The following NBAS variants were observed in gnomAD, a reference collection of about 807,000 sequenced individuals.
NBAS encodes the protein NAG/BC035112 fusion.
Under a neutral mutation model 302.5 loss-of-function variants are expected in NBAS, and 219 were observed. That is an observed-to-expected ratio of 0.72 (90% CI 0.65 to 0.81). The LOEUF (loss-of-function observed/expected upper bound fraction) is 0.81, where lower values mean the gene tolerates loss of function less well. NBAS is among the 30% of genes least tolerant of loss of function. The probability of loss-of-function intolerance (pLI) is 0.00; values close to 1 mark genes in which losing one functional copy is unlikely to be tolerated. For synonymous variants in NBAS, 1,118 were observed against 1,021.6 expected (o/e 1.09, Z -1.80); for missense variants, 2,932 against 2,841.6 (o/e 1.03, Z -0.72).
At chr2:14,789,607 C>A in the NBAS span, among the ~76,000 whole-genome samples, 7 of 152,300 alleles carry the variant, frequency 4.6e-5, no homozygotes, top group Admixed American at 6.5e-5. Flanking sequence ...ACCTTGCAAT[C>A]ATTCATACTT....
chr2:15,501,584 A>T (rs75168167), intron 11 of NBAS, among the ~76,000 whole-genome samples: 1,639 of 107,746 alleles, frequency 0.015, 135 homozygotes, highest in African/African-American at 0.047. Context: ...TGAACTAAAT[A>T]TTTTTTTTTT....
intron 44 of NBAS, among the ~76,000 whole-genome samples, chr2:15,267,803 A>C (rs1669144997): frequency 6.6e-6 from 1 of 152,216 alleles, no homozygotes; most frequent in Admixed American, 6.5e-5. Flanking sequence ...TGAATAAAGT[A>C]AAATTAACTT....
At chr2:15,002,653 C>T in the NBAS span, among the ~76,000 whole-genome samples, 24 of 152,348 alleles carry the variant, frequency 1.6e-4, no homozygotes, top group Non-Finnish European at 2.5e-4. Context: ...TCAGGCATGG[C>T]GGGCTGCAGG....
the NBAS span, among the ~76,000 whole-genome samples, chr2:15,136,380 G>C: frequency 6.6e-6 from 1 of 152,200 alleles, no homozygotes; most frequent in Non-Finnish European, 1.5e-5. Flanking sequence ...TATGCTGTGG[G>C]CCACACGGTC....
the NBAS span, among the ~76,000 whole-genome samples, chr2:14,807,141 A>G: frequency 2.3e-4 from 34 of 150,802 alleles, no homozygotes; most frequent in African/African-American, 7.9e-4. Context: ...TGTAAATATC[A>G]GGGGGGGGTT....
At chr2:15,233,428 G>A (rs534428750) in intron 46 of NBAS, among the ~76,000 whole-genome samples, 1 of 152,070 alleles carries the variant, frequency 6.6e-6, no homozygotes, top group East Asian at 1.9e-4. Flanking sequence ...ATGAAAATGG[G>A]CAATTTTTAA....
chr2:15,439,088 G>T (rs975508162), intron 21 of NBAS, among the ~76,000 whole-genome samples: 1 of 152,122 alleles, frequency 6.6e-6, no homozygotes, highest in Non-Finnish European at 1.5e-5. Flanking sequence ...GAGGTCTGCA[G>T]ATCGAGACCA....
chr2:15,148,118 G>A, the NBAS span, among the ~76,000 whole-genome samples: 1 of 152,194 alleles, frequency 6.6e-6, no homozygotes, highest in Non-Finnish European at 1.5e-5. Flanking sequence ...CAGACTGGGA[G>A]GAGGAGATTA....
the NBAS span, among the ~76,000 whole-genome samples, chr2:15,061,247 G>A: frequency 6.6e-6 from 1 of 152,334 alleles, no homozygotes; most frequent in Non-Finnish European, 1.5e-5. Flanking sequence ...CAACTAAGGT[G>A]TTGACTGAGA....
the NBAS span, among the ~76,000 whole-genome samples, chr2:15,010,919 C>A: frequency 3.3e-5 from 5 of 152,100 alleles, no homozygotes; most frequent in Non-Finnish European, 5.9e-5. Context: ...GCTGATACAA[C>A]CAGGAGATAT....
chr2:15,398,090 C>CGTGTGTGTGTGT (rs201218082), intron 26 of NBAS, among the ~76,000 whole-genome samples: 45 of 149,882 alleles, frequency 3.0e-4, no homozygotes, highest in African/African-American at 1.1e-3. Flanking sequence ...CTCAGTCAGC[C>CGTGTGTGTGTGT]GTGTGTGTGT....
chr2:15,091,972 C>T, the NBAS span, among the ~76,000 whole-genome samples: 2 of 152,300 alleles, frequency 1.3e-5, no homozygotes, highest in East Asian at 3.9e-4. Flanking sequence ...TAACAATAGG[C>T]TATTAGCTAA....
the NBAS span, among the ~76,000 whole-genome samples, chr2:15,124,613 T>C: frequency 6.6e-6 from 1 of 152,092 alleles, no homozygotes; most frequent in Non-Finnish European, 1.5e-5. Flanking sequence ...GAGGAAAGAA[T>C]GGTTTCAGGG....
At chr2:15,536,602 A>C (rs761158132) in intron 7 of NBAS, 51 bp from the exon 8 acceptor site, 3 of 1,455,382 alleles carry the variant, frequency 2.1e-6, no homozygotes, top group Non-Finnish European at 1.9e-6. Context: ...ACTAGATAAA[A>C]GTTAACACAT....
chr2:14,913,709 C>G, the NBAS span, among the ~76,000 whole-genome samples: 4 of 152,090 alleles, frequency 2.6e-5, no homozygotes, highest in African/African-American at 9.7e-5. Flanking sequence ...ACAGAACCAG[C>G]TTGGAAGTTA....
the NBAS span, among the ~76,000 whole-genome samples, chr2:15,073,963 C>T: frequency 2.2e-4 from 33 of 152,212 alleles, no homozygotes; most frequent in African/African-American, 6.5e-4. Context: ...TAGAACCAGA[C>T]CTCAATGATT....
the NBAS span, among the ~76,000 whole-genome samples, chr2:14,925,816 T>C: frequency 6.6e-6 from 1 of 152,350 alleles, no homozygotes; most frequent in South Asian, 2.1e-4. Context: ...TATTATACTT[T>C]GTCATACTAT....
At chr2:15,140,865 A>G in the NBAS span, among the ~76,000 whole-genome samples, 1 of 152,242 alleles carries the variant, frequency 6.6e-6, no homozygotes, top group Non-Finnish European at 1.5e-5. Context: ...GGTATAATAC[A>G]TTCATAATAA....
At chr2:15,307,270 T>A (rs1338944183) in intron 40 of NBAS, among the ~76,000 whole-genome samples, 1 of 152,198 alleles carries the variant, frequency 6.6e-6, no homozygotes, top group African/African-American at 2.4e-5. Flanking sequence ...CTGCATTATC[T>A]GAGTTTGGAA....
Sources: gnomAD v4.1 joint callset for allele counts (sites outside exome capture counted in the v4.1 genomes callset) on GRCh38, gnomAD v4.1.1 for gene constraint, MANE v1.5 for transcripts, NCBI Gene and HGNC (gene_info 2026-07-23, HGNC 2026-07-21) for gene names.